ETV3: variants seen among roughly 807,000 people sequenced by gnomAD.
ETV3 encodes ETS variant transcription factor 3, also known as ETS translocation variant 3.
In ETV3, 8 loss-of-function variants were observed where a neutral mutation model predicts 33.0. That is an observed-to-expected ratio of 0.24 (90% confidence interval 0.14 to 0.44). ETV3 has a LOEUF of 0.44. ETV3 is among the 20% of genes least tolerant of loss of function. The pLI, the probability that ETV3 is intolerant of heterozygous loss-of-function variation, is 1.00. For synonymous variants in ETV3, 222 were observed against 238.9 expected (o/e 0.93, Z 0.65); for missense variants, 473 against 652.3 (o/e 0.73, Z 2.99).
At chr1:157,133,624 C>T (rs1198183751) in intron 4 of ETV3, 1 of 987,324 alleles carries the variant, frequency 1.0e-6, no homozygotes, top group Non-Finnish European at 1.2e-6. Flanking sequence ...AAAGACACTG[C>T]TTTTCACTGC....
At chr1:157,136,971 ACATTT>A (rs1397490287) in intron 1 of ETV3, among the ~76,000 whole-genome samples, 1 of 152,250 alleles carries the variant, frequency 6.6e-6, no homozygotes, top group Non-Finnish European at 1.5e-5. Flanking sequence ...CACCATATGT[ACATTT>A]ACTCTATTCA....
intron 4 of ETV3, among the ~76,000 whole-genome samples, chr1:157,130,548 C>T (rs1674946634): frequency 6.6e-6 from 1 of 152,180 alleles, no homozygotes; most frequent in Non-Finnish European, 1.5e-5. Context: ...ACAAGTAGCA[C>T]ACTGGAATCT....
chr1:157,134,327 T>C (rs1675043497), intron 3 of ETV3, 100 bp from the exon 4 acceptor site: 1 of 1,458,958 alleles, frequency 6.9e-7, no homozygotes, highest in Non-Finnish European at 9.1e-7. Flanking sequence ...CTCTGAGTAT[T>C]ACTTACAAAA....
At position 157,129,666 on chromosome 1, in the gene ETV3, G is replaced by A. The variant is rs538930825; in HGVS notation, c.401-3687C>T. ...CCAGGCCAAATGTATTCTTCTACTAGCTTATTACAGTGGCTACAATTCTAC... is the reference window on the plus strand; with the variant it reads ...CCAGGCCAAATGTATTCTTCTACTAACTTATTACAGTGGCTACAATTCTAC... On this transcript the variant is annotated intron_variant, in intron 4 of 4. Coordinates refer to ENST00000368192, the MANE Select transcript of ETV3 (RefSeq NM_001145312.3). Among the ~76,000 whole-genome samples, 131 of 152,294 alleles carry A rather than the reference G, an allele frequency of 8.6e-4. No homozygotes were observed. The Middle Eastern group carries it at 0.017, about 20-fold the overall frequency.
intron 1 of ETV3, among the ~76,000 whole-genome samples, chr1:157,138,011 C>T (rs929416158): frequency 1.3e-5 from 2 of 152,210 alleles, no homozygotes; most frequent in Admixed American, 6.5e-5. Flanking sequence ...GCGGGTTTCC[C>T]GCAGCAGCTC....
chr1:157,129,972 T>A (rs540359388), intron 4 of ETV3, among the ~76,000 whole-genome samples: 66 of 152,154 alleles, frequency 4.3e-4, no homozygotes, highest in African/African-American at 1.6e-3. Flanking sequence ...GCCTCTCAAG[T>A]AGCTGGGACT....
In ETV3 at chr1:157,135,845, C is replaced by G. The variant is rs1250462279; in HGVS notation, c.47-137G>C. 11 of 840,222 alleles carry G rather than the reference C, an allele frequency of 1.3e-5. No individual in the cohort carries two copies. In the East Asian group the frequency reaches 2.8e-4, roughly 21 times the overall value. The allele number at this position is 840,222 out of a possible 1,614,324, so 52.0% of individuals were successfully genotyped here. ...TGTAAGTACTCTCAGTCAGCTGGGC[C>G]TAACCACAATGGGGAGAGGAAAGCA... On this transcript the variant is annotated intron_variant, in intron 2 of 4. Coordinates refer to ENST00000368192, the MANE Select transcript of ETV3 (RefSeq NM_001145312.3).
At chr1:157,132,743 A>G (rs956740990) in intron 4 of ETV3, among the ~76,000 whole-genome samples, 26 of 138,732 alleles carry the variant, frequency 1.9e-4, no homozygotes, top group African/African-American at 6.6e-4. Flanking sequence ...GCATTCCAAT[A>G]CCACTTTTTT....
In ETV3 at chr1:157,125,979, C is replaced by T. The variant is rs1674827907; in HGVS notation, c.401G>A (p.Gly134Asp). 2 of 1,535,620 alleles carry T rather than the reference C, an allele frequency of 1.3e-6. No homozygotes were observed. Among genetic ancestry groups the T allele is most frequent in the African/African-American group, 1.4e-5 (1 of 72,238 alleles). Residue 134 changes from glycine to aspartate, a missense_variant and splice_region_variant, in exon 5 of 5, where the codon GGT becomes GAT. Around this residue, in one of 3 missense-constraint regions of ETV3, gnomAD observed 410 missense variants for 520.2 expected, o/e 0.79. Coordinates refer to ENST00000368192, the MANE Select transcript of ETV3 (RefSeq NM_001145312.3). This position sits in a 1 kb window ranked among gnomAD's most constrained non-coding sequence, Gnocchi z 4.0. The stretch of plus-strand genomic sequence containing the variant: ...TGGTGGTGCACTCTGAGGAACCACA[C>T]CTGTGATGGTGGAAAATACAAAAGC... The part of the protein sequence containing the change: ...NYPFINIRSS[G>D]VVPQSAPPVP...
intron 4 of ETV3, among the ~76,000 whole-genome samples, chr1:157,127,067 G>C (rs776483990): frequency 1.3e-5 from 2 of 152,258 alleles, no homozygotes; most frequent in African/African-American, 2.4e-5. Flanking sequence ...TGCACCTCCA[G>C]AGAAGCTCTG....
chr1:157,131,542 G>A (rs746925637), intron 4 of ETV3, among the ~76,000 whole-genome samples: 3 of 152,290 alleles, frequency 2.0e-5, no homozygotes, highest in Non-Finnish European at 2.9e-5. Flanking sequence ...CAACCTAGAG[G>A]AGGAATGTAT....
At chr1:157,136,084 C>T (rs1203714568) in intron 2 of ETV3, among the ~76,000 whole-genome samples, 2 of 152,186 alleles carry the variant, frequency 1.3e-5, no homozygotes, top group South Asian at 2.1e-4. Flanking sequence ...GGAACTGTGT[C>T]TCTGACAGCA....
Position 157,132,188 on chromosome 1 carries a change from T to A in ETV3, c.400+1924A>T, listed in dbSNP as rs369954464. Among the ~76,000 whole-genome samples the A allele has an allele frequency of 9.8e-5, 15 of 152,368 alleles. No individual in the cohort carries two copies. The South Asian group carries it at 1.4e-3, about 15-fold the overall frequency. ...GTCTTGAACTCCTGACCTCAAGTGA[T>A]CTGCCGGCCTTGGCCTCCCAAAGTG... On this transcript the variant is annotated intron_variant, in intron 4 of 4. Coordinates refer to ENST00000368192, the MANE Select transcript of ETV3 (RefSeq NM_001145312.3).
Position 157,125,548 on chromosome 1 carries a change from G to A in ETV3, c.832C>T (p.Pro278Ser), listed in dbSNP as rs1272449617. Reference sequence around the variant, plus strand: ...GTGAAAGGGCTCAGGCCTGGTGATGGGCTATAGGAGAAGATGGTGGGAGTC... The same window carrying A: ...GTGAAAGGGCTCAGGCCTGGTGATGAGCTATAGGAGAAGATGGTGGGAGTC... ...SLTPTIFSYS[P>S]SPGLSPFTSS... Residue 278 changes from proline (P) to serine (S), a missense_variant, in exon 5 of 5, where the codon CCA (proline) becomes TCA (serine). Around this residue, in one of 3 missense-constraint regions of ETV3, gnomAD observed 410 missense variants for 520.2 expected, o/e 0.79. Coordinates refer to ENST00000368192, the MANE Select transcript of ETV3 (RefSeq NM_001145312.3). This position sits in a 1 kb window ranked among gnomAD's most constrained non-coding sequence, Gnocchi z 4.0. 1 of 1,551,990 alleles carries A rather than the reference G, an allele frequency of 6.4e-7. No individual in the cohort carries two copies. Among genetic ancestry groups the A allele is most frequent in the Admixed American group, 2.0e-5 (1 of 51,014 alleles).
Position 157,133,288 on chromosome 1 carries a change from ACAT to A in ETV3, c.400+821_400+823del, listed in dbSNP as rs137889851. The A allele has an allele frequency of 6.5e-4, 342 of 530,124 alleles. 3 individuals are homozygous for A. In the African/African-American group the frequency reaches 6.5e-3, roughly 10 times the overall value. 32.8% of individuals were successfully genotyped at this position (530,124 alleles called of 1,614,324 possible). A position where few individuals can be genotyped will look rare whatever the true frequency, so the allele number is the denominator to read the frequency against. ...ATGAGTGGGGTTAAGGGAAGAAAAA[ACAT>A]CATATATATGAATGGAGTTTGGTAC... On this transcript the variant is annotated intron_variant, in intron 4 of 4. Coordinates refer to ENST00000368192, the MANE Select transcript of ETV3 (RefSeq NM_001145312.3).
At chr1:157,128,445 G>C (rs570058490) in intron 4 of ETV3, 47 of 331,714 alleles carry the variant, frequency 1.4e-4, no homozygotes, top group African/African-American at 9.7e-4. Flanking sequence ...GCAAGCACGA[G>C]ACTGGGCCTA....
Position 157,135,580 on chromosome 1 carries a change from C to T in ETV3, c.175G>A (p.Gly59Arg). The T allele has an allele frequency of 6.2e-7, 1 of 1,614,092 alleles. No individual in the cohort carries two copies. Among genetic ancestry groups the T allele is most frequent in the Non-Finnish European group, 8.5e-7 (1 of 1,179,986 alleles). ...EFRHVIAWQQ[G>R]EYGEFVIKDP... is the part of the protein sequence containing the mutation. ...TTGATGACAAATTCCCCGTACTCTC[C>T]CTGCTGCCAGGCGATGACATGGCGG... The change falls in exon 3 of 5, where the codon GGA becomes AGA. Residue 59 changes from glycine (G) to arginine (R), a missense_variant. By Grantham distance (125) the Gly-to-Arg change is moderately radical (BLOSUM62 -2). Coordinates refer to ENST00000368192, the MANE Select transcript of ETV3 (RefSeq NM_001145312.3).
At chr1:157,130,121 C>A (rs897758935) in intron 4 of ETV3, among the ~76,000 whole-genome samples, 2 of 152,036 alleles carry the variant, frequency 1.3e-5, no homozygotes, top group Non-Finnish European at 2.9e-5. Flanking sequence ...GGATTACAGG[C>A]GTGAGCCACT....
chr1:157,133,676 GTTTTGATGATATTCAC>G lies in ETV3; in HGVS notation c.400+420_400+435del, dbSNP rs2103205867. On this transcript the variant is annotated intron_variant, in intron 4 of 4. Transcript: ENST00000368192. ...CCCTTCTCTGATCAAGGATGCTGTG[GTTTTGATGATATTCAC>G]TTGATAAGGGAGAGCTTGGTAGTTT... 1.1e-5 allele frequency: 11 copies of G among 992,308 alleles called. No individual in the cohort carries two copies. In the South Asian group the frequency reaches 5.1e-4, roughly 46 times the overall value. The allele number at this position is 992,308 out of a possible 1,614,324, so 61.5% of individuals were successfully genotyped here.
Sources: gnomAD v4.1 joint callset for allele counts (sites outside exome capture counted in the v4.1 genomes callset) on GRCh38, gnomAD v4.1.1 for gene constraint, gnomAD v4.1.1 regional missense constraint, Gnocchi (gnomAD v3.1) non-coding constraint, MANE v1.5 for transcripts, NCBI Gene and HGNC (gene_info 2026-07-23, HGNC 2026-07-21) for gene names.